Variants in RGS13 observed in about 807,000 individuals in gnomAD.
RGS13 encodes the protein regulator of G-protein signalling 13.
RGS13 carries 14 observed loss-of-function variants against 19.9 expected under a neutral mutation model. That is an observed-to-expected ratio of 0.70 (90% confidence interval 0.46 to 1.10). RGS13 has a LOEUF of 1.10. RGS13 is among the 50% of genes least tolerant of loss of function. The probability of loss-of-function intolerance (pLI) is 0.00; values close to 1 mark genes in which losing one functional copy is unlikely to be tolerated. For synonymous variants in RGS13, 60 were observed against 56.8 expected, an observed-to-expected ratio of 1.06 and a Z score of -0.25; for missense variants, 205 against 187.1, an observed-to-expected ratio of 1.10 and a Z score of -0.56.
intron 5 of RGS13, among the ~76,000 whole-genome samples, chr1:192,650,715 T>C (rs944236707): frequency 6.6e-6 from 1 of 152,062 alleles, no homozygotes. Flanking sequence ...AACAGAAGTA[T>C]GGCAAAATCC....
At chr1:192,640,678 C>T (rs905966702) in intron 3 of RGS13, among the ~76,000 whole-genome samples, 1 of 52,174 alleles carries the variant, frequency 1.9e-5, no homozygotes, top group Non-Finnish European at 4.7e-5. Context: ...GTCCTCCTCA[C>T]TTATAGTAGA....
chr1:192,636,792 AT>A (rs1234955116), intron 1 of RGS13, among the ~76,000 whole-genome samples: 3 of 151,818 alleles, frequency 2.0e-5, no homozygotes, highest in Admixed American at 6.6e-5. Flanking sequence ...ATTTTGTAGA[AT>A]TTTTTTATTC....
At chr1:192,650,245 G>A (rs1457643564) in intron 5 of RGS13, among the ~76,000 whole-genome samples, 1 of 152,040 alleles carries the variant, frequency 6.6e-6, no homozygotes, top group African/African-American at 2.4e-5. Flanking sequence ...ATGAGAATAG[G>A]AAAACATCAT....
chr1:192,636,923 A>G (rs1283867777), intron 1 of RGS13, among the ~76,000 whole-genome samples: 1 of 152,006 alleles, frequency 6.6e-6, no homozygotes, highest in Non-Finnish European at 1.5e-5. Flanking sequence ...AAATTTTACT[A>G]AATTTTATGT....
intron 6 of RGS13, chr1:192,658,628 T>C (rs1295177761): frequency 1.8e-5 from 6 of 334,118 alleles, no homozygotes; most frequent in Non-Finnish European, 3.2e-5. Context: ...TTAAATTATC[T>C]TGATTTCTAG....
At chr1:192,659,315 G>A (rs778880455) in intron 6 of RGS13, 23 bp from the exon 7 acceptor site, 2 of 1,588,104 alleles carry the variant, frequency 1.3e-6, no homozygotes, top group East Asian at 4.5e-5. Flanking sequence ...ACTTAATGCT[G>A]TACATGTAAT....
chr1:192,652,566 C>T (rs1320575902), intron 5 of RGS13, among the ~76,000 whole-genome samples: 1 of 151,912 alleles, frequency 6.6e-6, no homozygotes, highest in Admixed American at 6.6e-5. Flanking sequence ...GGGAAAAAAA[C>T]CTCGCCTAGA....
intron 5 of RGS13, among the ~76,000 whole-genome samples, chr1:192,653,588 G>A (rs550731191): frequency 2.0e-5 from 3 of 151,928 alleles, no homozygotes; most frequent in South Asian, 2.1e-4. Context: ...ATAATAGAGT[G>A]GCTAAATATG....
At chr1:192,650,453 C>A (rs6688640) in intron 5 of RGS13, among the ~76,000 whole-genome samples, 12,698 of 151,936 alleles carry the variant, frequency 0.084, 1,083 homozygotes, top group African/African-American at 0.21. Context: ...TTACATTAAC[C>A]AAGGACATTA....
In RGS13 at chr1:192,659,517, T is replaced by C; in HGVS notation, c.474T>C (p.Ser158=). ...TGAAAACTATGCAGTCCAACAACAG[T>C]TTCTGACTACAACTCAAAAGTTTAA... is the stretch of plus-strand genomic sequence containing the variant. ...KLLKTMQSNN[S]F is the part of the protein sequence containing the mutation. Residue 158 remains serine, a synonymous_variant, in exon 7 of 7, where the codon AGT becomes AGC. Transcript: ENST00000391995. 1 of 1,605,294 alleles carries C rather than the reference T, an allele frequency of 6.2e-7. No individual in the cohort carries two copies. Among genetic ancestry groups the C allele is most frequent in the East Asian group, 2.2e-5 (1 of 44,570 alleles).
At chr1:192,640,858 T>C (rs968330664) in intron 3 of RGS13, among the ~76,000 whole-genome samples, 4 of 152,178 alleles carry the variant, frequency 2.6e-5, no homozygotes, top group African/African-American at 4.8e-5. Context: ...TTCTGAATTC[T>C]AGCCCCTCCT....
intron 5 of RGS13, among the ~76,000 whole-genome samples, chr1:192,653,347 A>T: frequency 6.6e-6 from 1 of 152,114 alleles, no homozygotes; most frequent in Admixed American, 6.6e-5. Flanking sequence ...GAGAGCGTGG[A>T]GTAAGTCAGC....
intron 4 of RGS13, chr1:192,646,037 G>A (rs193221939): frequency 6.6e-6 from 1 of 152,238 alleles, no homozygotes; most frequent in East Asian, 1.9e-4. Context: ...GATTGAAAAG[G>A]TTATTTTAGG....
chr1:192,650,083 A>G (rs889924990), intron 5 of RGS13, among the ~76,000 whole-genome samples: 2 of 152,078 alleles, frequency 1.3e-5, no homozygotes, highest in Admixed American at 6.6e-5. Flanking sequence ...ACCAAGCTAT[A>G]TTATGTAAGT....
At chr1:192,653,338 A>G (rs184848807) in intron 5 of RGS13, among the ~76,000 whole-genome samples, 1 of 152,218 alleles carries the variant, frequency 6.6e-6, no homozygotes. Flanking sequence ...ATTAGATTGG[A>G]GAGCGTGGAG....
In RGS13 at chr1:192,639,289, C is replaced by A. The variant is rs116043322; in HGVS notation, c.-5+1086C>A. On this transcript the variant is annotated intron_variant, in intron 3 of 6. Transcript: ENST00000391995. ...AATTGCATTTAAAGGGAAGCTGTGG[C>A]TGGGCTGTCCTCTTGTCCCTTTTTT... Among the ~76,000 whole-genome samples the A allele has an allele frequency of 3.8e-3, 572 of 152,222 alleles. 1 individual carries two copies. Among genetic ancestry groups the A allele is most frequent in the African/African-American group, 0.013 (552 of 41,556 alleles).
At chr1:192,638,393 G>T (rs1663049677) in intron 3 of RGS13, among the ~76,000 whole-genome samples, 190 bp downstream of exon 3, 1 of 151,958 alleles carries the variant, frequency 6.6e-6, no homozygotes, top group Admixed American at 6.6e-5. Context: ...TGGTCAATCT[G>T]ACCTTTTGTA....
intron 5 of RGS13, among the ~76,000 whole-genome samples, chr1:192,655,370 A>T (rs1162073980): frequency 6.6e-6 from 1 of 152,128 alleles, no homozygotes; most frequent in African/African-American, 2.4e-5. Context: ...ATTTACATTA[A>T]TAAAGGTTCA....
intron 5 of RGS13, among the ~76,000 whole-genome samples, chr1:192,651,212 G>A (rs1663328869): frequency 6.6e-6 from 1 of 152,112 alleles, no homozygotes; most frequent in African/African-American, 2.4e-5. Flanking sequence ...GAAGGAAGCT[G>A]TGAATTGTCA....
Sources: allele counts gnomAD v4.1 joint callset (sites outside exome capture counted in the v4.1 genomes callset), GRCh38; gene constraint gnomAD v4.1.1; transcripts MANE v1.5; gene names NCBI Gene and HGNC (gene_info 2026-07-23, HGNC 2026-07-21).